TMEM17: variants seen among roughly 807,000 people sequenced by gnomAD.
TMEM17 encodes the protein transmembrane protein 17.
In TMEM17, 15 loss-of-function variants were observed where a neutral mutation model predicts 19.1. The ratio of observed to expected loss-of-function variants is 0.78; its 90% CI spans 0.52 to 1.21. The LOEUF (loss-of-function observed/expected upper bound fraction) is 1.21, where lower values mean the gene tolerates loss of function less well. Among genes scored for constraint, TMEM17 ranks in the 50% most tolerant of loss-of-function variants. TMEM17 has a pLI of 0.00. For missense variants in TMEM17, 245 were observed against 242.3 expected, an observed-to-expected ratio of 1.01 and a Z score of -0.07; for synonymous variants, 103 against 86.9, an observed-to-expected ratio of 1.19 and a Z score of -1.03.
At chr2:62,459,061 G>C in the TMEM17 span, among the ~76,000 whole-genome samples, 2 of 152,140 alleles carry the variant, frequency 1.3e-5, no homozygotes, top group Non-Finnish European at 2.9e-5. Flanking sequence ...TAATTTTTGG[G>C]TCATGTGGTT....
the TMEM17 span, among the ~76,000 whole-genome samples, chr2:62,475,305 T>C: frequency 6.6e-6 from 1 of 152,242 alleles, no homozygotes; most frequent in Non-Finnish European, 1.5e-5. Context: ...GTGTCTGTCC[T>C]GTCTTGGGGC....
downstream of TMEM17, among the ~76,000 whole-genome samples, chr2:62,497,751 A>C (rs1302508358): frequency 3.3e-5 from 5 of 152,208 alleles, no homozygotes; most frequent in Non-Finnish European, 7.3e-5. Flanking sequence ...CCCCTCAGAC[A>C]ATGTGGAGCA....
chr2:62,480,729 G>A, the TMEM17 span, among the ~76,000 whole-genome samples: 3 of 152,092 alleles, frequency 2.0e-5, no homozygotes, highest in Admixed American at 1.3e-4. Context: ...TAGATACATG[G>A]ACTCATTTCT....
chr2:62,472,300 G>A, the TMEM17 span, among the ~76,000 whole-genome samples: 690 of 152,302 alleles, frequency 4.5e-3, 6 homozygotes, highest in African/African-American at 0.016. Context: ...AGAAGGGTGG[G>A]CATGAAGAAC....
At chr2:62,457,773 C>T in the TMEM17 span, among the ~76,000 whole-genome samples, 1 of 152,328 alleles carries the variant, frequency 6.6e-6, no homozygotes. This position sits in a 1 kb window ranked among gnomAD's most constrained non-coding sequence, Gnocchi z 4.2. Context: ...TGGGTGCGCT[C>T]TCACTTTTAT....
chr2:62,501,015 T>A lies in TMEM17; in HGVS notation c.*194A>T, dbSNP rs537328445. ...GAAATTTGGCATCAGGTGGACAACATCTAGGTTTTAGGGTTAATATACTGT... is the reference window on the plus strand; with the variant it reads ...GAAATTTGGCATCAGGTGGACAACAACTAGGTTTTAGGGTTAATATACTGT... On this transcript the variant is annotated 3_prime_UTR_variant, in exon 4 of 4. Coordinates refer to ENST00000335390, the MANE Select transcript of TMEM17 (RefSeq NM_198276.3). The A allele has an allele frequency of 3.3e-5, 16 of 482,424 alleles. No homozygotes were observed. Among genetic ancestry groups the A allele is most frequent in the Non-Finnish European group, 4.4e-5 (13 of 292,668 alleles). The allele number at this position is 482,424 out of a possible 1,614,324, so 29.9% of individuals were successfully genotyped here.
intron 2 of TMEM17, 36 bp from the exon 3 acceptor site, chr2:62,502,586 A>T (rs1309617066): frequency 5.4e-6 from 8 of 1,480,222 alleles, no homozygotes; most frequent in Non-Finnish European, 6.5e-6. Context: ...GTAAAATCTC[A>T]TGTATAGTAA....
the TMEM17 span, among the ~76,000 whole-genome samples, chr2:62,493,287 C>G: frequency 2.6e-5 from 4 of 152,138 alleles, no homozygotes; most frequent in Non-Finnish European, 5.9e-5. Context: ...CTTGGCCTTG[C>G]AAAGTGCTAA....
At chr2:62,490,699 T>C in the TMEM17 span, among the ~76,000 whole-genome samples, 1 of 152,210 alleles carries the variant, frequency 6.6e-6, no homozygotes, top group African/African-American at 2.4e-5. Flanking sequence ...TTTGTGGCAA[T>C]GGTTTTCTTA....
chr2:62,493,648 A>G, the TMEM17 span, among the ~76,000 whole-genome samples: 1 of 152,314 alleles, frequency 6.6e-6, no homozygotes, highest in Admixed American at 6.5e-5. Flanking sequence ...TGGATCTGGC[A>G]TTTCAGCTTG....
the TMEM17 span, among the ~76,000 whole-genome samples, chr2:62,454,295 C>A: frequency 0.02 from 3,095 of 152,240 alleles, 99 homozygotes; most frequent in African/African-American, 0.066. Context: ...GTGGGAGGAG[C>A]AGATTCCATG....
chr2:62,483,711 T>C, the TMEM17 span, among the ~76,000 whole-genome samples: 2 of 151,814 alleles, frequency 1.3e-5, no homozygotes, highest in Admixed American at 6.6e-5. Flanking sequence ...GTAATTTTCC[T>C]GCCTCAGCCT....
At chr2:62,488,315 CA>C in the TMEM17 span, among the ~76,000 whole-genome samples, 1 of 151,968 alleles carries the variant, frequency 6.6e-6, no homozygotes, top group Middle Eastern at 3.4e-3. Flanking sequence ...AGGTATGACC[CA>C]AATGCAAAGT....
chr2:62,473,331 C>T, the TMEM17 span, among the ~76,000 whole-genome samples: 1 of 152,210 alleles, frequency 6.6e-6, no homozygotes, highest in African/African-American at 2.4e-5. Context: ...TGATCCCAGG[C>T]TCAGCTGCTC....
chr2:62,495,995 T>G (rs922064351), downstream of TMEM17, among the ~76,000 whole-genome samples: 1 of 152,256 alleles, frequency 6.6e-6, no homozygotes. Flanking sequence ...GCGACCAGCT[T>G]GCCTAATCCT....
At position 62,500,960 on chromosome 2, in the gene TMEM17, G is replaced by GAAAA. The variant is rs1679910823; in HGVS notation, c.*245_*248dup. On this transcript the variant is annotated 3_prime_UTR_variant, in exon 4 of 4. Coordinates refer to ENST00000335390, the MANE Select transcript of TMEM17 (RefSeq NM_198276.3). ...CCAATACATAGATTTCTACACTCCTGAAAAAGACAACAACATCAAAAAAAA... is the reference window on the plus strand; with the variant it reads ...CCAATACATAGATTTCTACACTCCTGAAAAAAAAAGACAACAACATCAAAAAAAA... The GAAAA allele has an allele frequency of 2.8e-6, 1 of 359,568 alleles. No individual in the cohort carries two copies. The highest frequency in any genetic ancestry group is 4.6e-5 in the East Asian group (1 of 21,710). The allele number at this position is 359,568 out of a possible 1,614,324, so 22.3% of individuals were successfully genotyped here.
At chr2:62,486,933 G>C in the TMEM17 span, among the ~76,000 whole-genome samples, 1 of 152,096 alleles carries the variant, frequency 6.6e-6, no homozygotes, top group Non-Finnish European at 1.5e-5. Context: ...GCAGACACTG[G>C]GGGGTAAAGG....
the TMEM17 span, among the ~76,000 whole-genome samples, chr2:62,457,170 G>C: frequency 1.3e-4 from 20 of 152,222 alleles, no homozygotes; most frequent in Admixed American, 6.5e-4. This position sits in a 1 kb window ranked among gnomAD's most constrained non-coding sequence, Gnocchi z 4.2. Flanking sequence ...GCCGAGAGCC[G>C]GGGATCGGCG....
the TMEM17 span, among the ~76,000 whole-genome samples, chr2:62,465,621 T>A: frequency 6.6e-6 from 1 of 152,114 alleles, no homozygotes; most frequent in East Asian, 1.9e-4. Flanking sequence ...CTCAGCATTT[T>A]GTGAGGAGTA....
Sources: allele counts gnomAD v4.1 joint callset (sites outside exome capture counted in the v4.1 genomes callset), GRCh38; gene constraint gnomAD v4.1.1; non-coding constraint Gnocchi (gnomAD v3.1); transcripts MANE v1.5; gene names NCBI Gene and HGNC (gene_info 2026-07-23, HGNC 2026-07-21).